The following EPHA6 variants were observed in gnomAD, a reference collection of about 807,000 sequenced individuals.
EPHA6 encodes the protein ephrin type-A receptor 6.
A neutral mutation model predicts 112.0 loss-of-function variants in EPHA6; 50 were observed. The ratio of observed to expected loss-of-function variants is 0.45; its 90% confidence interval spans 0.36 to 0.56. The LOEUF (loss-of-function observed/expected upper bound fraction) is 0.56, where lower values mean the gene tolerates loss of function less well. Ranked by LOEUF, EPHA6 falls within the 20% of genes least tolerant of loss-of-function variation. EPHA6 has a pLI of 0.00. For synonymous variants in EPHA6, 529 were observed against 490.7 expected (o/e 1.08, Z -1.03); for missense variants, 1,280 against 1,417.4 (o/e 0.90, Z 1.56).
At chr3:97,102,392 T>A (rs912349636) in intron 3 of EPHA6, among the ~76,000 whole-genome samples, 4 of 152,078 alleles carry the variant, frequency 2.6e-5, no homozygotes, top group Non-Finnish European at 1.5e-5. Flanking sequence ...ATAAAATTAT[T>A]GTTATTTTAA....
At chr3:97,183,054 CT>C (rs2077033901) in intron 3 of EPHA6, among the ~76,000 whole-genome samples, 1 of 151,656 alleles carries the variant, frequency 6.6e-6, no homozygotes, top group East Asian at 1.9e-4. Flanking sequence ...TTTGAAAATG[CT>C]TTTTATTTTT....
intron 14 of EPHA6, among the ~76,000 whole-genome samples, chr3:97,700,497 G>C (rs766761143): frequency 2.0e-5 from 3 of 152,110 alleles, no homozygotes; most frequent in African/African-American, 7.2e-5. Context: ...AGCTCTCAAG[G>C]GTGGAAGTAT....
At chr3:97,460,479 T>A (rs1158073858) in intron 7 of EPHA6, among the ~76,000 whole-genome samples, 1 of 152,218 alleles carries the variant, frequency 6.6e-6, no homozygotes, top group Non-Finnish European at 1.5e-5. Flanking sequence ...GGAGCTTATA[T>A]TCTAGAGAGA....
chr3:97,495,105 G>A (rs748999625), intron 10 of EPHA6, among the ~76,000 whole-genome samples: 5 of 152,142 alleles, frequency 3.3e-5, no homozygotes, highest in Non-Finnish European at 7.4e-5. Flanking sequence ...GCCACGCGCT[G>A]TTGGCATAGG....
intron 8 of EPHA6, among the ~76,000 whole-genome samples, chr3:97,476,525 C>T (rs901200445): frequency 6.6e-6 from 1 of 151,970 alleles, no homozygotes; most frequent in African/African-American, 2.4e-5. Context: ...TGCTTAGGGA[C>T]CAACATTTTA....
At position 96,828,596 on chromosome 3, in the gene EPHA6, A is replaced by T. The variant is rs145756750; in HGVS notation, c.385+13588A>T. Among the ~76,000 whole-genome samples, 471 of 152,284 alleles carry T rather than the reference A, an allele frequency of 3.1e-3. 6 individuals carry two copies. The highest frequency in any genetic ancestry group is 0.011 in the African/African-American group (453 of 41,568). The stretch of plus-strand genomic sequence containing the variant: ...GTCCACCTGTCCTTTGTTCCTGGAA[A>T]TAAACCCCGGAATCAGATATTCGAC... On this transcript the variant is annotated intron_variant, in intron 1 of 17. Coordinates refer to ENST00000389672, the MANE Select transcript of EPHA6 (RefSeq NM_001080448.3).
chr3:97,358,966 C>G (rs2084223433), intron 5 of EPHA6, among the ~76,000 whole-genome samples: 1 of 149,940 alleles, frequency 6.7e-6, no homozygotes. Flanking sequence ...TTCTCTTTTG[C>G]TATTTATAAG....
At chr3:96,962,506 CCACTTT>C in intron 2 of EPHA6, among the ~76,000 whole-genome samples, 1 of 146,402 alleles carries the variant, frequency 6.8e-6, no homozygotes, top group Non-Finnish European at 1.5e-5. Flanking sequence ...AATACTAAAC[CCACTTT>C]TAGACGGCCT....
At chr3:96,973,067 A>G (rs765873524) in intron 2 of EPHA6, among the ~76,000 whole-genome samples, 6 of 152,336 alleles carry the variant, frequency 3.9e-5, no homozygotes, top group Non-Finnish European at 7.3e-5. Flanking sequence ...TGCTTTAAGA[A>G]TTAATTTCCT....
intron 2 of EPHA6, among the ~76,000 whole-genome samples, chr3:96,980,673 C>A (rs2042730162): frequency 6.6e-6 from 1 of 152,080 alleles, no homozygotes; most frequent in African/African-American, 2.4e-5. Context: ...ATTGATTCTT[C>A]CTACCCATGA....
intron 11 of EPHA6, among the ~76,000 whole-genome samples, chr3:97,587,879 G>A (rs1238122877): frequency 6.6e-6 from 1 of 152,076 alleles, no homozygotes; most frequent in Non-Finnish European, 1.5e-5. Flanking sequence ...TAAAATTAAA[G>A]CTTTGCCCTG....
chr3:97,276,332 G>A (rs2080079222), intron 5 of EPHA6, among the ~76,000 whole-genome samples: 1 of 152,080 alleles, frequency 6.6e-6, no homozygotes, highest in Admixed American at 6.6e-5. Context: ...GCTGCCAGGT[G>A]AGTTGAACAG....
At chr3:97,407,356 AC>A in intron 6 of EPHA6, among the ~76,000 whole-genome samples, 2 of 151,872 alleles carry the variant, frequency 1.3e-5, no homozygotes, top group Non-Finnish European at 2.9e-5. Flanking sequence ...AAACACACAC[AC>A]ACACACACAC....
At chr3:97,737,591 C>A (rs2035321672) in intron 16 of EPHA6, among the ~76,000 whole-genome samples, 1 of 151,740 alleles carries the variant, frequency 6.6e-6, no homozygotes, top group South Asian at 2.1e-4. Context: ...ATGGTATTAC[C>A]CCAGAGAGAG....
chr3:97,356,488 T>C (rs1453353773), intron 5 of EPHA6, among the ~76,000 whole-genome samples: 2 of 152,098 alleles, frequency 1.3e-5, no homozygotes, highest in Non-Finnish European at 2.9e-5. Flanking sequence ...TAAGTTTTGG[T>C]ATGTTGTATT....
At chr3:97,648,408 A>T in intron 14 of EPHA6, 1 of 1,515,198 alleles carries the variant, frequency 6.6e-7, no homozygotes, top group Admixed American at 2.2e-5. Context: ...ATAAAAAATA[A>T]TGAAGCAGCA....
Position 97,644,108 on chromosome 3 carries a change from C to A in EPHA6, c.2784+6026C>A, listed in dbSNP as rs1281732701. The stretch of plus-strand genomic sequence containing the variant: ...ACTATCTCTCAGACCACAGTGCAAT[C>A]AAACTAGAGCTCAGGATTAAGAATC... On this transcript the variant is annotated intron_variant, in intron 14 of 17. Coordinates refer to ENST00000389672, the MANE Select transcript of EPHA6 (RefSeq NM_001080448.3). Among the ~76,000 whole-genome samples, 3 of 151,332 alleles carry A rather than the reference C, an allele frequency of 2.0e-5. No individual in the cohort carries two copies. The East Asian group carries it at 5.8e-4, about 29-fold the overall frequency.
At chr3:97,362,379 T>G (rs1489143663) in intron 5 of EPHA6, among the ~76,000 whole-genome samples, 1 of 152,112 alleles carries the variant, frequency 6.6e-6, no homozygotes, top group Non-Finnish European at 1.5e-5. Context: ...TCTTTATTAT[T>G]AAAGATAAAA....
chr3:96,994,722 T>G (rs2043341261), intron 3 of EPHA6, among the ~76,000 whole-genome samples: 1 of 81,004 alleles, frequency 1.2e-5, no homozygotes, highest in African/African-American at 6.8e-5. Context: ...TATATATATA[T>G]ATATATATAT....
Sources: allele counts gnomAD v4.1 joint callset (sites outside exome capture counted in the v4.1 genomes callset), GRCh38; gene constraint gnomAD v4.1.1; transcripts MANE v1.5; gene names NCBI Gene and HGNC (gene_info 2026-07-23, HGNC 2026-07-21).